The following OLFM2 variants were observed in gnomAD, a reference collection of about 807,000 sequenced individuals.
OLFM2 encodes olfactomedin 2.
In OLFM2, 20 loss-of-function variants were observed where a neutral mutation model predicts 43.9. The ratio of observed to expected loss-of-function variants is 0.46; its 90% CI spans 0.32 to 0.66. The LOEUF (loss-of-function observed/expected upper bound fraction) is 0.66. Ranked by LOEUF, OLFM2 falls within the 30% of genes least tolerant of loss-of-function variation. The pLI, the probability that OLFM2 is intolerant of heterozygous loss-of-function variation, is 0.04. For missense variants in OLFM2, 416 were observed against 643.6 expected (o/e 0.65, Z 3.83); for synonymous variants, 268 against 278.6 (o/e 0.96, Z 0.38).
chr19:9,874,850 G>A (rs1447685236), intron 1 of OLFM2, among the ~76,000 whole-genome samples: 1 of 152,182 alleles, frequency 6.6e-6, no homozygotes, highest in African/African-American at 2.4e-5. Flanking sequence ...CTGAGCTCAA[G>A]TAATCCTCCT....
intron 2 of OLFM2, among the ~76,000 whole-genome samples, chr19:9,859,090 C>CT (rs1179906877): frequency 1.3e-5 from 2 of 152,336 alleles, no homozygotes; most frequent in African/African-American, 4.8e-5. Flanking sequence ...TCAGAGTTAC[C>CT]ACTGGATGCT....
At chr19:9,859,755 A>G (rs1340414988) in intron 2 of OLFM2, among the ~76,000 whole-genome samples, 1 of 152,140 alleles carries the variant, frequency 6.6e-6, no homozygotes, top group Non-Finnish European at 1.5e-5. Context: ...GGTGGACCAG[A>G]GCTCACACAC....
intron 1 of OLFM2, among the ~76,000 whole-genome samples, chr19:9,874,308 T>G (rs1431304294): frequency 6.8e-6 from 1 of 146,950 alleles, no homozygotes; most frequent in Admixed American, 7.1e-5. Flanking sequence ...CCAGGGAGTT[T>G]TGGAGAATGC....
rs140041040 is a variant in OLFM2 at position 9,856,602 on chromosome 19, G to A, written c.687+205C>T. 6.6e-6 allele frequency among the ~76,000 whole-genome samples: 1 copy of A among 152,360 alleles called. No homozygotes were observed. Among genetic ancestry groups the A allele is most frequent in the Non-Finnish European group, 1.5e-5 (1 of 68,038 alleles). On this transcript the variant is annotated intron_variant, in intron 5 of 5. Coordinates refer to ENST00000264833, the MANE Select transcript of OLFM2 (RefSeq NM_058164.4). The surrounding 1 kb of genome is among the most constrained non-coding windows in gnomAD (Gnocchi z 4.0). ...AACCATTAGCCACTATACAGACACT[G>A]GAGGTCAACAGAGTGGGATTCACAA... is the stretch of plus-strand genomic sequence containing the variant.
intron 1 of OLFM2, among the ~76,000 whole-genome samples, chr19:9,876,761 T>C (rs2046492312): frequency 6.6e-6 from 1 of 152,186 alleles, no homozygotes; most frequent in African/African-American, 2.4e-5. Flanking sequence ...AGTATATAGC[T>C]AAGAATAGTA....
chr19:9,929,363 C>T (rs965154556), intron 1 of OLFM2, among the ~76,000 whole-genome samples: 10 of 151,934 alleles, frequency 6.6e-5, no homozygotes, highest in Admixed American at 3.3e-4. Context: ...GAGGCTGAGG[C>T]GGGTGGATCA....
At chr19:9,891,057 T>TA (rs919017723) in intron 1 of OLFM2, among the ~76,000 whole-genome samples, 6 of 152,274 alleles carry the variant, frequency 3.9e-5, no homozygotes, top group Middle Eastern at 3.4e-3. Context: ...CTCACACTTG[T>TA]AATCCCAGCA....
At chr19:9,902,290 A>T (rs573819621) in intron 1 of OLFM2, among the ~76,000 whole-genome samples, 10 of 151,948 alleles carry the variant, frequency 6.6e-5, no homozygotes, top group Non-Finnish European at 1.5e-4. Flanking sequence ...AGCCTCCCAA[A>T]ATGCTGGGAT....
At chr19:9,859,845 A>G (rs1163352906) in intron 2 of OLFM2, among the ~76,000 whole-genome samples, 1 of 152,126 alleles carries the variant, frequency 6.6e-6, no homozygotes, top group African/African-American at 2.4e-5. Flanking sequence ...TTCTCTCCCA[A>G]AAAAGCATTG....
chr19:9,878,963 C>T (rs565656932), intron 1 of OLFM2, among the ~76,000 whole-genome samples: 71 of 152,188 alleles, frequency 4.7e-4, no homozygotes, highest in African/African-American at 1.7e-3. Context: ...CCTCCCACCT[C>T]GGCCTCCTGA....
At chr19:9,896,586 A>G (rs1230152110) in intron 1 of OLFM2, among the ~76,000 whole-genome samples, 2 of 152,048 alleles carry the variant, frequency 1.3e-5, no homozygotes, top group Non-Finnish European at 2.9e-5. Flanking sequence ...TCTTTAGTCC[A>G]TCATATTTTC....
At chr19:9,915,092 G>A (rs1045780393) in intron 1 of OLFM2, among the ~76,000 whole-genome samples, 2 of 152,188 alleles carry the variant, frequency 1.3e-5, no homozygotes, top group African/African-American at 2.4e-5. Flanking sequence ...TCTGCAAAGT[G>A]GGTGGTGGAG....
At position 9,854,833 on chromosome 19, in the gene OLFM2, G is replaced by A. The variant is rs771776227; in HGVS notation, c.718C>T (p.Arg240Cys). Residue 240 changes from arginine to cysteine, a missense_variant, in exon 6 of 6, where the codon CGC (arginine) becomes TGC (cysteine). By Grantham distance (180) the Arg-to-Cys change is radical. Coordinates refer to ENST00000264833, the MANE Select transcript of OLFM2 (RefSeq NM_058164.4). The surrounding 1 kb of genome is among the most constrained non-coding windows in gnomAD (Gnocchi z 9.5). ...VWYMDGYYKG[R>C]RVLEFRTLGD... ...AGGGTACGGAACTCCAGGACCCGGC[G>A]GCCTTTGTAATAGCCATCCATGTAC... 1.4e-5 allele frequency: 22 copies of A among 1,599,886 alleles called. No homozygotes were observed. Among genetic ancestry groups the A allele is most frequent in the African/African-American group, 4.0e-5 (3 of 74,648 alleles).
chr19:9,896,345 CG>C (rs994234973), intron 1 of OLFM2, among the ~76,000 whole-genome samples: 1 of 151,920 alleles, frequency 6.6e-6, no homozygotes, highest in African/African-American at 2.4e-5. Context: ...GTGATCCGCC[CG>C]CCTCAGCCTC....
rs75636519 is a variant in OLFM2 at position 9,912,199 on chromosome 19, C to T, written c.63+24105G>A. Among the ~76,000 whole-genome samples, 6 of 152,228 alleles carry T rather than the reference C, an allele frequency of 3.9e-5. No individual in the cohort carries two copies. The East Asian group carries it at 7.7e-4, about 20-fold the overall frequency. The stretch of plus-strand genomic sequence containing the variant: ...ATGTGACAGACACACAGAAACACAC[C>T]GTCTCACACATTGGCTGCCAAGTCT... On this transcript the variant is annotated intron_variant, in intron 1 of 5. Transcript: ENST00000264833.
intron 1 of OLFM2, among the ~76,000 whole-genome samples, chr19:9,928,379 T>C (rs1278994880): frequency 2.0e-5 from 3 of 152,216 alleles, no homozygotes; most frequent in Non-Finnish European, 4.4e-5. Context: ...TTCTTTCTTC[T>C]TGTGCAATGA....
intron 1 of OLFM2, among the ~76,000 whole-genome samples, chr19:9,914,979 G>T (rs966086078): frequency 8.5e-5 from 13 of 152,218 alleles, no homozygotes; most frequent in Middle Eastern, 3.4e-3. Flanking sequence ...GAGCGGGGAG[G>T]GGGGCTAGGG....
At chr19:9,906,023 C>T (rs552460086) in intron 1 of OLFM2, among the ~76,000 whole-genome samples, 9 of 152,202 alleles carry the variant, frequency 5.9e-5, no homozygotes, top group Non-Finnish European at 8.8e-5. Flanking sequence ...TCCCCTTACA[C>T]GATGGGGCGT....
chr19:9,868,777 C>T (rs949846718), intron 1 of OLFM2, among the ~76,000 whole-genome samples: 9 of 151,444 alleles, frequency 5.9e-5, no homozygotes, highest in African/African-American at 2.2e-4. Context: ...CTCATCTCTA[C>T]AAAAAATTTA....
Sources: allele counts gnomAD v4.1 joint callset (sites outside exome capture counted in the v4.1 genomes callset), GRCh38; gene constraint gnomAD v4.1.1; non-coding constraint Gnocchi (gnomAD v3.1); transcripts MANE v1.5; gene names NCBI Gene and HGNC (gene_info 2026-07-23, HGNC 2026-07-21).